Variants in FEM1B observed in about 807,000 individuals in gnomAD.
The protein encoded by FEM1B is fem-1 homolog B, also known as protein fem-1 homolog B.
In FEM1B, 10 loss-of-function variants were observed where a neutral mutation model predicts 38.6. That is an observed-to-expected ratio of 0.26 (90% CI 0.16 to 0.44). The LOEUF (loss-of-function observed/expected upper bound fraction) is 0.44. FEM1B is among the 20% of genes least tolerant of loss of function. The probability of loss-of-function intolerance (pLI) is 1.00; values close to 1 mark genes in which losing one functional copy is unlikely to be tolerated. For synonymous variants in FEM1B, 288 were observed against 288.0 expected, an observed-to-expected ratio of 1.00 and a Z score of 0.00; for missense variants, 471 against 786.7, an observed-to-expected ratio of 0.60 and a Z score of 4.80.
rs1336704622 is a variant in FEM1B at position 68,291,455 on chromosome 15, T to A, written c.*213T>A. ...AAACCACATTGTTTTGGTGTAACTATAAGGTATTTGCATATTGGTTACCTA... is the reference window on the plus strand; with the variant it reads ...AAACCACATTGTTTTGGTGTAACTAAAAGGTATTTGCATATTGGTTACCTA... On this transcript the variant is annotated 3_prime_UTR_variant, in exon 2 of 2. Transcript: ENST00000306917. This position sits in a 1 kb window ranked among gnomAD's most constrained non-coding sequence, Gnocchi z 6.9. The A allele has an allele frequency of 2.0e-6, 1 of 498,518 alleles. No individual in the cohort carries two copies. Among genetic ancestry groups the A allele is most frequent in the African/African-American group, 2.0e-5 (1 of 50,854 alleles). The allele number at this position is 498,518 out of a possible 1,614,324, so 30.9% of individuals were successfully genotyped here. A position where few individuals can be genotyped will look rare whatever the true frequency, so the allele number is the denominator to read the frequency against.
rs192875500 is a variant in FEM1B at position 68,278,856 on chromosome 15, C to G, written c.248+191C>G. ...ATAATCCATCCCATGTTTTGCTGCCCGTCCTCATCAGCCCCTACCCCTCAT... is the reference window on the plus strand; with the variant it reads ...ATAATCCATCCCATGTTTTGCTGCCGGTCCTCATCAGCCCCTACCCCTCAT... On this transcript the variant is annotated intron_variant, in intron 1 of 1. Coordinates refer to ENST00000306917, the MANE Select transcript of FEM1B (RefSeq NM_015322.5). This position sits in a 1 kb window ranked among gnomAD's most constrained non-coding sequence, Gnocchi z 5.7. 3.3e-5 allele frequency among the ~76,000 whole-genome samples: 5 copies of G among 152,196 alleles called. No individual in the cohort carries two copies. In the East Asian group the frequency reaches 7.7e-4, roughly 24 times the overall value.
chr15:68,286,029 T>C (rs1428742385), intron 1 of FEM1B, among the ~76,000 whole-genome samples: 1 of 151,772 alleles, frequency 6.6e-6, no homozygotes, highest in Non-Finnish European at 1.5e-5. Flanking sequence ...CTTTTCACAC[T>C]ATAGGTCTAT....
Position 68,291,030 on chromosome 15 carries a change from A to ATCC in FEM1B, c.1672_1673insTCC (p.Ser558delinsIleArg). ...TTTGACCTTGCACTCCATCATCATT[A>ATCC]GCCTAGTTGAAGCCGGAGCTCACAC... On this transcript the variant is annotated protein_altering_variant, in exon 2 of 2. Coordinates refer to ENST00000306917, the MANE Select transcript of FEM1B (RefSeq NM_015322.5). The surrounding 1 kb of genome is among the most constrained non-coding windows in gnomAD (Gnocchi z 6.9). 6.2e-7 allele frequency: 1 copy of ATCC among 1,614,130 alleles called. No individual in the cohort carries two copies. The highest frequency in any genetic ancestry group is 8.5e-7 in the Non-Finnish European group (1 of 1,179,992).
At chr15:68,287,647 C>T (rs1252713805) in intron 1 of FEM1B, among the ~76,000 whole-genome samples, 1 of 151,992 alleles carries the variant, frequency 6.6e-6, no homozygotes, top group Non-Finnish European at 1.5e-5. Flanking sequence ...TAACAAAATA[C>T]CTGACACTGT....
rs571754718 is a variant in FEM1B, at chr15:68,280,523, G to A, written c.248+1858G>A. On this transcript the variant is annotated intron_variant, in intron 1 of 1. Coordinates refer to ENST00000306917, the MANE Select transcript of FEM1B (RefSeq NM_015322.5). This position sits in a 1 kb window ranked among gnomAD's most constrained non-coding sequence, Gnocchi z 4.2. ...AGGGAAAGGAAGTGCTGTTTTATCC[G>A]GGGGGAATCTAGAAAGGCTTCACAG... is the stretch of plus-strand genomic sequence containing the variant. Among the ~76,000 whole-genome samples, 33 of 152,264 alleles carry A rather than the reference G, an allele frequency of 2.2e-4. No homozygotes were observed. Among genetic ancestry groups the A allele is most frequent in the African/African-American group, 7.7e-4 (32 of 41,544 alleles).
At chr15:68,286,217 GTT>G (rs371468348) in intron 1 of FEM1B, among the ~76,000 whole-genome samples, 5 of 137,934 alleles carry the variant, frequency 3.6e-5, no homozygotes, top group African/African-American at 5.3e-5. Context: ...TATTTCTGGA[GTT>G]TTTTTTTTTT....
Position 68,278,353 on chromosome 15 carries a change from G to A in FEM1B, c.-65G>A. 3 of 1,548,284 alleles carry A rather than the reference G, an allele frequency of 1.9e-6. No individual in the cohort carries two copies. Among genetic ancestry groups the A allele is most frequent in the Non-Finnish European group, 2.6e-6 (3 of 1,146,564 alleles). ...CAGGTTTAAAGCGCTGGCGAACGCG[G>A]CCTCCGGGGGCGCACGGCAGCTGCA... On this transcript the variant is annotated 5_prime_UTR_variant, in exon 1 of 2. Transcript: ENST00000306917. The surrounding 1 kb of genome is among the most constrained non-coding windows in gnomAD (Gnocchi z 5.7).
intron 1 of FEM1B, among the ~76,000 whole-genome samples, chr15:68,286,976 C>T (rs898845036): frequency 5.4e-5 from 8 of 149,242 alleles, no homozygotes; most frequent in Non-Finnish European, 1.0e-4. Context: ...CAACCTCTGC[C>T]TCCTGGGTTC....
chr15:68,290,915 G>A lies in FEM1B; in HGVS notation c.1557G>A (p.Leu519=), dbSNP rs1315480437. ...FPNALVTKLL[L]DCGAEVNAVD... is the part of the protein sequence containing the mutation. ...ATGCACTTGTCACAAAGCTCCTGCT[G>A]GACTGTGGTGCTGAGGTGAATGCCG... The change falls in exon 2 of 2, where the codon CTG becomes CTA. Residue 519 remains leucine, a synonymous_variant. Transcript: ENST00000306917. The surrounding 1 kb of genome is among the most constrained non-coding windows in gnomAD (Gnocchi z 9.7). The A allele has an allele frequency of 6.2e-7, 1 of 1,614,126 alleles. No individual in the cohort carries two copies. The highest frequency in any genetic ancestry group is 8.5e-7 in the Non-Finnish European group (1 of 1,180,012).
chr15:68,294,700 T>A lies in FEM1B; in HGVS notation c.*3458T>A, dbSNP rs2140247777. On this transcript the variant is annotated 3_prime_UTR_variant, in exon 2 of 2. Coordinates refer to ENST00000306917, the MANE Select transcript of FEM1B (RefSeq NM_015322.5). The surrounding 1 kb of genome is among the most constrained non-coding windows in gnomAD (Gnocchi z 4.4). ...GAATTAGTGAGTAAATGAATGAAAG[T>A]ATAAAGGACTTGTTTTTTATGATAG... 1 of 152,190 alleles carries A rather than the reference T, an allele frequency of 6.6e-6. No individual in the cohort carries two copies. Among genetic ancestry groups the A allele is most frequent in the South Asian group, 2.1e-4 (1 of 4,820 alleles). 9.4% of individuals were successfully genotyped at this position (152,190 alleles called of 1,614,324 possible).
rs563033867 is a variant in FEM1B at position 68,284,031 on chromosome 15, A to G, written c.248+5366A>G. Reference sequence around the variant, plus strand: ...CTCCCGAGTAGCTGGGATTACAGACATGCGCCACCACACCTGGCTAATTTT... The same window carrying G: ...CTCCCGAGTAGCTGGGATTACAGACGTGCGCCACCACACCTGGCTAATTTT... On this transcript the variant is annotated intron_variant, in intron 1 of 1. Transcript: ENST00000306917. This position sits in a 1 kb window ranked among gnomAD's most constrained non-coding sequence, Gnocchi z 4.4. Among the ~76,000 whole-genome samples, 30 of 151,996 alleles carry G rather than the reference A, an allele frequency of 2.0e-4. No individual in the cohort carries two copies. The East Asian group carries it at 4.3e-3, about 22-fold the overall frequency.
rs1322960048 is a variant in FEM1B at position 68,288,392 on chromosome 15, T to C, written c.249-1215T>C. Among the ~76,000 whole-genome samples the C allele has an allele frequency of 2.6e-5, 4 of 151,220 alleles. No homozygotes were observed. The highest frequency in any genetic ancestry group is 2.6e-4 in the Admixed American group (4 of 15,270). ...TGGTGTGTATATTTAATTGCCCTAG[T>C]GAATATTCCTTTGATCAACCTTTCT... On this transcript the variant is annotated intron_variant, in intron 1 of 1. Transcript: ENST00000306917. This position sits in a 1 kb window ranked among gnomAD's most constrained non-coding sequence, Gnocchi z 4.6.
At chr15:68,287,975 G>T (rs920835472) in intron 1 of FEM1B, among the ~76,000 whole-genome samples, 1 of 151,958 alleles carries the variant, frequency 6.6e-6, no homozygotes, top group Admixed American at 6.6e-5. Context: ...GATTATAGGC[G>T]TGTGCCACCA....
chr15:68,291,360 TC>T lies in FEM1B; in HGVS notation c.*121del, dbSNP rs1892846004. ...TTTCTTTCCACTACCCTTCCTCCCA[TC>T]CCATCCTTCCTTAGTTCTGTATTTG... On this transcript the variant is annotated 3_prime_UTR_variant, in exon 2 of 2. Coordinates refer to ENST00000306917, the MANE Select transcript of FEM1B (RefSeq NM_015322.5). This position sits in a 1 kb window ranked among gnomAD's most constrained non-coding sequence, Gnocchi z 6.9. 1 of 704,508 alleles carries T rather than the reference TC, an allele frequency of 1.4e-6. No individual in the cohort carries two copies. Among genetic ancestry groups the T allele is most frequent in the African/African-American group, 1.8e-5 (1 of 55,814 alleles). The allele number at this position is 704,508 out of a possible 1,614,324, so 43.6% of individuals were successfully genotyped here. A position where few individuals can be genotyped will look rare whatever the true frequency, so the allele number is the denominator to read the frequency against.
At chr15:68,285,146 T>C (rs1316290031) in intron 1 of FEM1B, among the ~76,000 whole-genome samples, 2 of 152,236 alleles carry the variant, frequency 1.3e-5, no homozygotes, top group Non-Finnish European at 2.9e-5. Flanking sequence ...TGTTTGGCTT[T>C]TTTCGCTTAA....
Position 68,289,612 on chromosome 15 carries a change from T to A in FEM1B, c.254T>A (p.Val85Asp). The change falls in exon 2 of 2, where the codon GTC becomes GAC. Residue 85 changes from valine to aspartate, a missense_variant. By Grantham distance (152) the Val-to-Asp change is radical (BLOSUM62 -3). Around this residue, in one of 3 missense-constraint regions of FEM1B, gnomAD observed 91 missense variants for 169.6 expected, o/e 0.54. Coordinates refer to ENST00000306917, the MANE Select transcript of FEM1B (RefSeq NM_015322.5). This position sits in a 1 kb window ranked among gnomAD's most constrained non-coding sequence, Gnocchi z 6.9. ...QTGTVRFDGY[V>D]IDGATALWCA... The stretch of plus-strand genomic sequence containing the variant: ...CTTATTCTTTTCATGTGTAGGTATG[T>A]CATTGATGGTGCCACTGCTCTTTGG... 1 of 1,613,312 alleles carries A rather than the reference T, an allele frequency of 6.2e-7. No individual in the cohort carries two copies. The highest frequency in any genetic ancestry group is 8.5e-7 in the Non-Finnish European group (1 of 1,179,364).
Position 68,289,674 on chromosome 15 carries a change from C to G in FEM1B, c.316C>G (p.Leu106Val), listed in dbSNP as rs1336567166. Residue 106 changes from leucine (L) to valine (V), a missense_variant, in exon 2 of 2, where the codon CTT becomes GTT. By Grantham distance (32) the Leu-to-Val change is conservative. Around this residue, in one of 3 missense-constraint regions of FEM1B, gnomAD observed 91 missense variants for 169.6 expected, o/e 0.54. Transcript: ENST00000306917. This position sits in a 1 kb window ranked among gnomAD's most constrained non-coding sequence, Gnocchi z 6.9. ...AGCAGGACATTTTGAAGTTGTTAAA[C>G]TTCTAGTCAGCCATGGAGCCAACGT... is the stretch of plus-strand genomic sequence containing the variant. The part of the protein sequence containing the change: ...AGAGHFEVVK[L>V]LVSHGANVNH... The G allele has an allele frequency of 1.9e-6, 3 of 1,614,162 alleles. No homozygotes were observed. The highest frequency in any genetic ancestry group is 2.5e-6 in the Non-Finnish European group (3 of 1,180,008).
intron 1 of FEM1B, among the ~76,000 whole-genome samples, chr15:68,285,274 T>TAGGAA (rs199942439): frequency 0.014 from 2,166 of 152,362 alleles, 57 homozygotes; most frequent in African/African-American, 0.048. Flanking sequence ...TATTAATTAA[T>TAGGAA]ATTTTGGTTG....
rs762248448 is a variant in FEM1B, at chr15:68,278,630, G to A, written c.213G>A (p.Val71=). The A allele has an allele frequency of 3.5e-5, 57 of 1,613,958 alleles. No individual in the cohort carries two copies. In the Middle Eastern group the frequency reaches 8.2e-4, roughly 23 times the overall value. Residue 71 remains valine (V), a synonymous_variant, in exon 1 of 2, where the codon GTG becomes GTA. Coordinates refer to ENST00000306917, the MANE Select transcript of FEM1B (RefSeq NM_015322.5). This position sits in a 1 kb window ranked among gnomAD's most constrained non-coding sequence, Gnocchi z 5.7. ...VVRLLLEHYR[V]QTQQTGTVRF... Reference sequence around the variant, plus strand: ...GCTTGCTCTTAGAACATTACCGGGTGCAGACTCAGCAGACTGGCACCGTCC... The same window carrying A: ...GCTTGCTCTTAGAACATTACCGGGTACAGACTCAGCAGACTGGCACCGTCC...
Sources: allele counts gnomAD v4.1 joint callset (sites outside exome capture counted in the v4.1 genomes callset), GRCh38; gene constraint gnomAD v4.1.1; regional missense constraint gnomAD v4.1.1; non-coding constraint Gnocchi (gnomAD v3.1); transcripts MANE v1.5; gene names NCBI Gene and HGNC (gene_info 2026-07-23, HGNC 2026-07-21).